Variants in RBM41 observed in about 807,000 individuals in gnomAD.
RBM41 encodes the protein RNA binding motif protein 41.
A neutral mutation model predicts 30.8 loss-of-function variants in RBM41; 14 were observed. The ratio of observed to expected loss-of-function variants is 0.45; its 90% CI spans 0.30 to 0.71. The LOEUF (loss-of-function observed/expected upper bound fraction) is 0.71, where lower values mean the gene tolerates loss of function less well. Among genes scored for constraint, RBM41 ranks in the 30% least tolerant of loss-of-function variants. The probability of loss-of-function intolerance (pLI) is 0.08; values close to 1 mark genes in which losing one functional copy is unlikely to be tolerated. For missense variants in RBM41, 276 were observed against 326.3 expected (o/e 0.85, Z 1.19); for synonymous variants, 120 against 110.1 (o/e 1.09, Z -0.56).
chrX:107,097,262 T>C (rs1360325909), intron 5 of RBM41, among the ~76,000 whole-genome samples: 1 of 112,159 alleles, frequency 8.9e-6, no homozygotes, highest in Non-Finnish European at 1.9e-5. Context: ...ACATTATTGA[T>C]AATAGCTAAA....
chrX:107,115,371 A>G lies in RBM41; in HGVS notation c.504T>C (p.Leu168=), dbSNP rs1172928514. The G allele has an allele frequency of 1.3e-5, 16 of 1,210,194 alleles. No individual in the cohort carries two copies. The highest frequency in any genetic ancestry group is 1.7e-5 in the Non-Finnish European group (15 of 895,063). The change falls in exon 4 of 8, where the codon CTT becomes CTC. Residue 168 remains leucine (L), a synonymous_variant. Transcript: ENST00000685964. ...LFQGADRHSF[L]KALYYQAYHK... ...ACATACCTTGGTAATAAAGAGCCTT[A>G]AGGAAGGAGTGACGATCAGCTCCCT... is the stretch of plus-strand genomic sequence containing the variant.
At chrX:107,103,145 T>C (rs760641841) in intron 5 of RBM41, among the ~76,000 whole-genome samples, 1 of 111,314 alleles carries the variant, frequency 9.0e-6, no homozygotes, top group South Asian at 3.9e-4. Flanking sequence ...TGCACGTGGA[T>C]AGATGTGAAT....
rs938612557 is a variant in RBM41, at chrX:107,065,937, T to C, written c.*1590A>G. Among the ~76,000 whole-genome samples, 16 of 112,449 alleles carry C rather than the reference T, an allele frequency of 1.4e-4. No individual in the cohort carries two copies. The highest frequency in any genetic ancestry group is 4.2e-4 in the African/African-American group (13 of 31,005). ...TGCTCTTTTTCTGCATGTGTGTAGA[T>C]TCAGATTACTGTCTGTGGTCACTTG... is the stretch of plus-strand genomic sequence containing the variant. On this transcript the variant is annotated 3_prime_UTR_variant, in exon 8 of 8. Transcript: ENST00000685964.
At chrX:107,106,051 C>A (rs1285547) in intron 5 of RBM41, among the ~76,000 whole-genome samples, 1 of 111,242 alleles carries the variant, frequency 9.0e-6, no homozygotes, top group East Asian at 2.8e-4. Context: ...TTCTGTACAG[C>A]GAAAGAAACT....
At chrX:107,091,650 AG>A (rs1433156708) in intron 5 of RBM41, among the ~76,000 whole-genome samples, 1 of 111,997 alleles carries the variant, frequency 8.9e-6, no homozygotes, top group Non-Finnish European at 1.9e-5. Flanking sequence ...AATTTTTATT[AG>A]GTTTTGGCTT....
intron 5 of RBM41, among the ~76,000 whole-genome samples, chrX:107,090,835 T>C (rs1438467854): frequency 9.0e-6 from 1 of 111,053 alleles, no homozygotes; most frequent in Non-Finnish European, 1.9e-5. Context: ...ATACATGTGC[T>C]GAATATGCAG....
intron 6 of RBM41, among the ~76,000 whole-genome samples, chrX:107,075,671 A>G (rs1460382760): frequency 3.6e-5 from 4 of 111,800 alleles, no homozygotes; most frequent in African/African-American, 1.3e-4. Flanking sequence ...GCAAATGAAA[A>G]ACACAATGAG....
At position 107,107,192 on chromosome X, in the gene RBM41, G is replaced by A. The variant is rs923250506; in HGVS notation, c.595+6205C>T. Among the ~76,000 whole-genome samples, 4 of 110,884 alleles carry A rather than the reference G, an allele frequency of 3.6e-5. No individual in the cohort carries two copies. In the Admixed American group the frequency reaches 3.8e-4, roughly 11 times the overall value. Reference sequence around the variant, plus strand: ...CCTAAAAAGAAAGAAGGAATACTGGGGATGACTGAAGTTATTTGGAAGATA... The same window carrying A: ...CCTAAAAAGAAAGAAGGAATACTGGAGATGACTGAAGTTATTTGGAAGATA... On this transcript the variant is annotated intron_variant, in intron 5 of 7. Coordinates refer to ENST00000685964, the MANE Select transcript of RBM41 (RefSeq NM_001324242.2).
In RBM41 at chrX:107,065,847, T is replaced by C; in HGVS notation, c.*1680A>G. On this transcript the variant is annotated 3_prime_UTR_variant, in exon 8 of 8. Transcript: ENST00000685964. ...TTGTTTTATACAACTGTGTTTTACA[T>C]TAGTTAAGAGAAAAAAGAAAAATGC... 1 of 939,102 alleles carries C rather than the reference T, an allele frequency of 1.1e-6. No individual in the cohort carries two copies. Among genetic ancestry groups the C allele is most frequent in the Non-Finnish European group, 1.4e-6 (1 of 720,089 alleles). 77.4% of individuals were successfully genotyped at this position (939,102 alleles called of 1,213,427 possible). A position where few individuals can be genotyped will look rare whatever the true frequency, so the allele number is the denominator to read the frequency against.
chrX:107,108,981 G>A (rs917397699), intron 5 of RBM41, among the ~76,000 whole-genome samples: 54 of 111,595 alleles, frequency 4.8e-4, no homozygotes, highest in African/African-American at 1.8e-3. Flanking sequence ...GTAGAGAACA[G>A]CTAAACAAAG....
chrX:107,095,572 G>T (rs1215796731), intron 5 of RBM41, among the ~76,000 whole-genome samples: 3 of 108,721 alleles, frequency 2.8e-5, no homozygotes, highest in Non-Finnish European at 5.7e-5. Flanking sequence ...CTCCAGCCTG[G>T]GTGACCAAGC....
chrX:107,090,416 G>A (rs1279196136), intron 5 of RBM41, among the ~76,000 whole-genome samples: 1 of 111,837 alleles, frequency 8.9e-6, no homozygotes, highest in East Asian at 2.8e-4. Context: ...GTTATTTTTA[G>A]TATAATAATG....
Position 107,115,184 on chromosome X carries a change from CAACT to C in RBM41, c.523+164_523+167del, listed in dbSNP as rs1924792508. On this transcript the variant is annotated intron_variant, in intron 4 of 7. Transcript: ENST00000685964. ...TAATAGCAGTTTCCATGTTGTCATGCAACTAACTGTGCACATATTTGTCTCTCTT... is the reference window on the plus strand; with the variant it reads ...TAATAGCAGTTTCCATGTTGTCATGCAACTGTGCACATATTTGTCTCTCTT... 8 of 499,906 alleles carry C rather than the reference CAACT, an allele frequency of 1.6e-5. No individual in the cohort carries two copies. In the South Asian group the frequency reaches 1.7e-4, roughly 10 times the overall value. The allele number at this position is 499,906 out of a possible 1,213,427, so 41.2% of individuals were successfully genotyped here.
At chrX:107,088,384 G>A (rs1922224331) in intron 6 of RBM41, 52 bp downstream of exon 6, 1 of 1,092,085 alleles carries the variant, frequency 9.2e-7, no homozygotes, top group Non-Finnish European at 1.2e-6. Flanking sequence ...TTTAGGTAGA[G>A]GTAAATAAAA....
downstream of RBM41, among the ~76,000 whole-genome samples, chrX:107,058,468 G>A (rs1264084645): frequency 9.0e-6 from 1 of 110,715 alleles, no homozygotes; most frequent in East Asian, 2.8e-4. Context: ...TTTCAAAAAT[G>A]AGAAAACGAC....
Position 107,065,766 on chromosome X carries a change from C to T in RBM41, c.*1761G>A, listed in dbSNP as rs369366593. The T allele has an allele frequency of 1.2e-3, 1,334 of 1,150,761 alleles. 1 individual carries two copies. The highest frequency in any genetic ancestry group is 1.5e-3 in the Non-Finnish European group (1,260 of 865,041). The allele number at this position is 1,150,761 out of a possible 1,213,427, so 94.8% of individuals were successfully genotyped here. A position where few individuals can be genotyped will look rare whatever the true frequency, so the allele number is the denominator to read the frequency against. On this transcript the variant is annotated 3_prime_UTR_variant, in exon 8 of 8. Coordinates refer to ENST00000685964, the MANE Select transcript of RBM41 (RefSeq NM_001324242.2). ...CCACTCAGCTTCTTCAACCTGTTATCGGCAAATATATTATATTTTATACGT... is the reference window on the plus strand; with the variant it reads ...CCACTCAGCTTCTTCAACCTGTTATTGGCAAATATATTATATTTTATACGT...
chrX:107,066,838 C>T lies in RBM41; in HGVS notation c.*689G>A, dbSNP rs1935859445. 6 of 738,144 alleles carry T rather than the reference C, an allele frequency of 8.1e-6. No individual in the cohort carries two copies. The highest frequency in any genetic ancestry group is 9.6e-6 in the Non-Finnish European group (6 of 624,923). The allele number at this position is 738,144 out of a possible 1,213,427, so 60.8% of individuals were successfully genotyped here. A position where few individuals can be genotyped will look rare whatever the true frequency, so the allele number is the denominator to read the frequency against. ...TGCCTAATATTTAACATATATTAGA[C>T]ACTTAATCAATGTTTATTGCTATGA... On this transcript the variant is annotated 3_prime_UTR_variant, in exon 8 of 8. Transcript: ENST00000685964.
chrX:107,093,803 T>A (rs1001962220), intron 5 of RBM41, among the ~76,000 whole-genome samples: 1 of 111,767 alleles, frequency 8.9e-6, no homozygotes, highest in Non-Finnish European at 1.9e-5. Flanking sequence ...AACCAAAAGC[T>A]GGTTCTTTGA....
intron 5 of RBM41, among the ~76,000 whole-genome samples, chrX:107,095,781 T>C (rs940522968): frequency 1.8e-5 from 2 of 110,073 alleles, no homozygotes; most frequent in Non-Finnish European, 3.8e-5. Context: ...GAGAGGATGA[T>C]GTGGGAGGGT....
Sources: gnomAD v4.1 joint callset for allele counts (sites outside exome capture counted in the v4.1 genomes callset) on GRCh38, gnomAD v4.1.1 for gene constraint, MANE v1.5 for transcripts, NCBI Gene and HGNC (gene_info 2026-07-23, HGNC 2026-07-21) for gene names.